The following PLPPR1 variants were observed in gnomAD, a reference collection of about 807,000 sequenced individuals.
The protein encoded by PLPPR1 is phospholipid phosphatase related 1.
Under a neutral mutation model 33.1 loss-of-function variants are expected in PLPPR1, and 10 were observed. That is an observed-to-expected ratio of 0.30 (90% CI 0.19 to 0.51). PLPPR1 has a LOEUF of 0.51. PLPPR1 is among the 20% of genes least tolerant of loss of function. The probability of loss-of-function intolerance (pLI) is 0.97; values close to 1 mark genes in which losing one functional copy is unlikely to be tolerated. For missense variants in PLPPR1, 304 were observed against 408.1 expected, an observed-to-expected ratio of 0.74 and a Z score of 2.20; for synonymous variants, 151 against 151.0, an observed-to-expected ratio of 1.00 and a Z score of 0.00.
chr9:101,077,581 A>C (rs1444298279), intron 1 of PLPPR1, among the ~76,000 whole-genome samples: 1 of 152,168 alleles, frequency 6.6e-6, no homozygotes, highest in Non-Finnish European at 1.5e-5. Context: ...AATTTATTGG[A>C]GGATGTGCTC....
Position 101,255,092 on chromosome 9 carries a change from A to AT in PLPPR1, c.64-14786dup, listed in dbSNP as rs574080790. On this transcript the variant is annotated intron_variant, in intron 2 of 7. Coordinates refer to ENST00000374874, the MANE Select transcript of PLPPR1 (RefSeq NM_207299.2). Reference sequence around the variant, plus strand: ...TTAGACATAAAAATAGCATGTCACTATTGTTTTGATTTGCATTTCTCCATT... The same window carrying AT: ...TTAGACATAAAAATAGCATGTCACTATTTGTTTTGATTTGCATTTCTCCATT... Among the ~76,000 whole-genome samples, 514 of 152,216 alleles carry AT rather than the reference A, an allele frequency of 3.4e-3. 3 individuals carry two copies. The highest frequency in any genetic ancestry group is 0.012 in the African/African-American group (491 of 41,546).
At chr9:101,151,160 A>G (rs1225168338) in intron 1 of PLPPR1, among the ~76,000 whole-genome samples, 1 of 152,170 alleles carries the variant, frequency 6.6e-6, no homozygotes, top group Non-Finnish European at 1.5e-5. Context: ...CCATGTGTGG[A>G]TTATAGAAAA....
chr9:101,078,187 G>GAAGAA (rs1564138307), intron 1 of PLPPR1, among the ~76,000 whole-genome samples: 11 of 17,714 alleles, frequency 6.2e-4, no homozygotes, highest in Non-Finnish European at 9.4e-4. Flanking sequence ...AAGAAGAAGA[G>GAAGAA]GAGGGGGGGA....
intron 2 of PLPPR1, among the ~76,000 whole-genome samples, chr9:101,198,082 A>T (rs1826430162): frequency 8.6e-6 from 1 of 115,894 alleles, no homozygotes; most frequent in African/African-American, 2.9e-5. Flanking sequence ...ATTTTAGATT[A>T]ATAAATTGTT....
rs1266781983 is a variant in PLPPR1 at position 101,077,954 on chromosome 9, TG to T, written c.-46+48853del. Among the ~76,000 whole-genome samples, 3 of 151,130 alleles carry T rather than the reference TG, an allele frequency of 2.0e-5. No individual in the cohort carries two copies. The South Asian group carries it at 6.3e-4, about 32-fold the overall frequency. Reference sequence around the variant, plus strand: ...TTATATGTGAGGGGGAAACAGAATTTGTAAATGTTTATGATCATTCCTTTTC... The same window carrying T: ...TTATATGTGAGGGGGAAACAGAATTTTAAATGTTTATGATCATTCCTTTTC... On this transcript the variant is annotated intron_variant, in intron 1 of 7. Coordinates refer to ENST00000374874, the MANE Select transcript of PLPPR1 (RefSeq NM_207299.2).
chr9:101,139,956 A>G (rs1368734918), intron 1 of PLPPR1, among the ~76,000 whole-genome samples: 1 of 152,212 alleles, frequency 6.6e-6, no homozygotes, highest in Non-Finnish European at 1.5e-5. Flanking sequence ...AAACAGCTGG[A>G]GAGCCTTTCC....
At chr9:101,065,101 T>A (rs1408894390) in intron 1 of PLPPR1, among the ~76,000 whole-genome samples, 1 of 152,040 alleles carries the variant, frequency 6.6e-6, no homozygotes, top group African/African-American at 2.4e-5. Context: ...TTTTAAACTG[T>A]CATATCAACC....
intron 2 of PLPPR1, among the ~76,000 whole-genome samples, chr9:101,225,753 C>G (rs976707045): frequency 5.4e-5 from 8 of 147,526 alleles, no homozygotes; most frequent in Admixed American, 2.7e-4. Context: ...ACCCCCACCC[C>G]CTATGTAACC....
intron 2 of PLPPR1, among the ~76,000 whole-genome samples, chr9:101,202,480 A>G (rs980459926): frequency 6.6e-6 from 1 of 152,182 alleles, no homozygotes; most frequent in Admixed American, 6.5e-5. Flanking sequence ...TTCCATCTTC[A>G]TATCCCTCAA....
intron 4 of PLPPR1, among the ~76,000 whole-genome samples, chr9:101,291,028 T>C (rs1051374927): frequency 1.1e-4 from 16 of 152,312 alleles, no homozygotes; most frequent in African/African-American, 3.8e-4. Flanking sequence ...TTCCCTTTCC[T>C]AGTCAAAGAA....
intron 7 of PLPPR1, 83 bp from the exon 8 acceptor site, chr9:101,323,942 C>A: frequency 8.3e-7 from 1 of 1,203,722 alleles, no homozygotes; most frequent in East Asian, 2.4e-5. Context: ...GGAGACAAAA[C>A]AAGGGAATAT....
intron 2 of PLPPR1, among the ~76,000 whole-genome samples, chr9:101,221,467 A>G (rs1330588366): frequency 6.6e-6 from 1 of 152,220 alleles, no homozygotes; most frequent in Non-Finnish European, 1.5e-5. Flanking sequence ...TCTGGCTCAC[A>G]GGGACTCCCT....
At chr9:101,206,724 T>C (rs1324834267) in intron 2 of PLPPR1, among the ~76,000 whole-genome samples, 2 of 152,210 alleles carry the variant, frequency 1.3e-5, no homozygotes, top group African/African-American at 4.8e-5. Context: ...GTTGAATGTC[T>C]ACCCATATGT....
chr9:101,221,592 C>T (rs533600684), intron 2 of PLPPR1, among the ~76,000 whole-genome samples: 12 of 152,288 alleles, frequency 7.9e-5, no homozygotes, highest in African/African-American at 2.6e-4. Flanking sequence ...CAGTCACATA[C>T]ACCATATTAT....
At chr9:101,290,650 T>G (rs1828479056) in intron 4 of PLPPR1, among the ~76,000 whole-genome samples, 1 of 152,230 alleles carries the variant, frequency 6.6e-6, no homozygotes, top group Non-Finnish European at 1.5e-5. Context: ...GGACTAAAAT[T>G]ATTTTTTAAG....
intron 1 of PLPPR1, among the ~76,000 whole-genome samples, chr9:101,126,713 G>A (rs1397774371): frequency 6.6e-6 from 1 of 152,192 alleles, no homozygotes; most frequent in Non-Finnish European, 1.5e-5. Flanking sequence ...AGCAGGTGGA[G>A]CTGACAGGCT....
intron 4 of PLPPR1, among the ~76,000 whole-genome samples, chr9:101,301,634 A>G (rs1828754755): frequency 6.6e-6 from 1 of 152,206 alleles, no homozygotes; most frequent in Non-Finnish European, 1.5e-5. Context: ...GTAAACACCT[A>G]AAATTTACTA....
intron 1 of PLPPR1, among the ~76,000 whole-genome samples, chr9:101,171,318 C>T (rs1391053291): frequency 6.6e-6 from 1 of 152,074 alleles, no homozygotes; most frequent in African/African-American, 2.4e-5. Context: ...CTGGAATTAC[C>T]CCTGGGTCTA....
chr9:101,056,258 T>C (rs988945772), intron 1 of PLPPR1, among the ~76,000 whole-genome samples: 1 of 152,206 alleles, frequency 6.6e-6, no homozygotes, highest in African/African-American at 2.4e-5. Context: ...GCAGATGTTA[T>C]TGACTCTAGT....
Sources: allele counts gnomAD v4.1 joint callset (sites outside exome capture counted in the v4.1 genomes callset), GRCh38; gene constraint gnomAD v4.1.1; transcripts MANE v1.5; gene names NCBI Gene and HGNC (gene_info 2026-07-23, HGNC 2026-07-21).